ENTREP2: variants seen among roughly 807,000 people sequenced by gnomAD.
ENTREP2 encodes the protein endosomal transmembrane epsin interactor 2, also known as protein ENTREP2.
the ENTREP2 span, among the ~76,000 whole-genome samples, chr15:29,160,598 A>T: frequency 6.6e-6 from 1 of 150,972 alleles, no homozygotes; most frequent in Admixed American, 6.6e-5. Flanking sequence ...AATCCCAGCT[A>T]CTCAGGAGGC....
At chr15:29,251,712 C>T in the ENTREP2 span, among the ~76,000 whole-genome samples, 1 of 137,822 alleles carries the variant, frequency 7.3e-6, no homozygotes, top group African/African-American at 2.7e-5. Context: ...AATTCGTAAA[C>T]TTTCTTAAAA....
the ENTREP2 span, among the ~76,000 whole-genome samples, chr15:29,409,983 G>A: frequency 6.6e-6 from 1 of 152,138 alleles, no homozygotes; most frequent in Non-Finnish European, 1.5e-5. Context: ...TGGACTGCTC[G>A]CCTGCTCAGC....
chr15:29,123,285 C>T, the ENTREP2 span: 1 of 1,456,458 alleles, frequency 6.9e-7, no homozygotes, highest in Non-Finnish European at 9.1e-7. Flanking sequence ...TGGCTTCTGC[C>T]AAGAACATCT....
At chr15:29,458,410 C>T in the ENTREP2 span, among the ~76,000 whole-genome samples, 4 of 152,194 alleles carry the variant, frequency 2.6e-5, no homozygotes, top group African/African-American at 9.7e-5. Context: ...ACCAGCACCC[C>T]TAGCCCAGGC....
At chr15:29,468,129 A>G in the ENTREP2 span, among the ~76,000 whole-genome samples, 1 of 152,316 alleles carries the variant, frequency 6.6e-6, no homozygotes, top group South Asian at 2.1e-4. Flanking sequence ...AACCTAGGAC[A>G]GTGTTTCCAA....
chr15:29,257,147 C>A, the ENTREP2 span, among the ~76,000 whole-genome samples: 1 of 151,840 alleles, frequency 6.6e-6, no homozygotes, highest in Non-Finnish European at 1.5e-5. Flanking sequence ...GATCTCGACT[C>A]ACCGCAGTCT....
At chr15:29,515,270 G>A in the ENTREP2 span, among the ~76,000 whole-genome samples, 1 of 152,150 alleles carries the variant, frequency 6.6e-6, no homozygotes, top group African/African-American at 2.4e-5. Context: ...GTAGATATGA[G>A]ACCCCAAATA....
the ENTREP2 span, among the ~76,000 whole-genome samples, chr15:29,193,118 G>T: frequency 6.6e-6 from 1 of 152,120 alleles, no homozygotes. Flanking sequence ...AATAAAACAG[G>T]GAAAAGAAGT....
the ENTREP2 span, among the ~76,000 whole-genome samples, chr15:29,648,836 G>T: frequency 3.9e-5 from 6 of 152,104 alleles, no homozygotes; most frequent in Non-Finnish European, 7.4e-5. Flanking sequence ...CTACTTGGGA[G>T]GCTGAGGCAG....
the ENTREP2 span, among the ~76,000 whole-genome samples, chr15:29,579,385 G>A: frequency 6.6e-6 from 1 of 152,108 alleles, no homozygotes; most frequent in Non-Finnish European, 1.5e-5. Context: ...GGCATATGTT[G>A]GCTTTTTTCA....
At chr15:29,378,703 G>A in the ENTREP2 span, among the ~76,000 whole-genome samples, 3 of 152,044 alleles carry the variant, frequency 2.0e-5, no homozygotes, top group African/African-American at 7.2e-5. Flanking sequence ...CCACAACTGC[G>A]TGAGCCAATT....
chr15:29,612,382 G>C, the ENTREP2 span, among the ~76,000 whole-genome samples: 2 of 151,972 alleles, frequency 1.3e-5, no homozygotes, highest in Non-Finnish European at 2.9e-5. Context: ...GTTTGGTTCT[G>C]GGCTGGAATT....
chr15:29,277,705 G>A, the ENTREP2 span, among the ~76,000 whole-genome samples: 2 of 152,160 alleles, frequency 1.3e-5, no homozygotes, highest in Admixed American at 1.3e-4. Flanking sequence ...TGGGGTTTGG[G>A]AACCCCTGCC....
At chr15:29,478,013 A>ATTTTT in the ENTREP2 span, among the ~76,000 whole-genome samples, 10 of 65,608 alleles carry the variant, frequency 1.5e-4, 1 homozygote, top group African/African-American at 8.2e-4. Flanking sequence ...ATATATATAT[A>ATTTTT]TATATATTTT....
chr15:29,473,834 C>G, the ENTREP2 span, among the ~76,000 whole-genome samples: 1 of 152,202 alleles, frequency 6.6e-6, no homozygotes, highest in African/African-American at 2.4e-5. Context: ...GGGCTGAATG[C>G]TGCTGCTCTA....
At chr15:29,313,963 T>C in the ENTREP2 span, among the ~76,000 whole-genome samples, 1 of 152,218 alleles carries the variant, frequency 6.6e-6, no homozygotes, top group African/African-American at 2.4e-5. Context: ...ACAGGTGACC[T>C]TGAGGTTTTC....
At chr15:29,341,608 G>GCCCCTT in the ENTREP2 span, among the ~76,000 whole-genome samples, 15 of 152,322 alleles carry the variant, frequency 9.8e-5, no homozygotes, top group Admixed American at 6.5e-4. Flanking sequence ...CAGGACCCCT[G>GCCCCTT]CCCCTTGAAA....
At chr15:29,255,190 G>A in the ENTREP2 span, among the ~76,000 whole-genome samples, 3 of 152,096 alleles carry the variant, frequency 2.0e-5, no homozygotes, top group Admixed American at 6.5e-5. Context: ...CAATGAGAAT[G>A]GTATTCAGAT....
chr15:29,642,481 ACATATATACATATATACACATATATAT>A, the ENTREP2 span, among the ~76,000 whole-genome samples: 47 of 135,108 alleles, frequency 3.5e-4, no homozygotes, highest in African/African-American at 9.3e-4. Context: ...CTGTATATAC[ACATATATACATATATACACATATATAT>A]CATATATACA....
Sources: gnomAD v4.1 joint callset for allele counts (sites outside exome capture counted in the v4.1 genomes callset) on GRCh38, gnomAD v4.1.1 for gene constraint, MANE v1.5 for transcripts, NCBI Gene and HGNC (gene_info 2026-07-23, HGNC 2026-07-21) for gene names.